Variants in VPS13B observed in about 807,000 individuals in gnomAD.
VPS13B encodes vacuolar protein sorting 13 homolog B, also known as intermembrane lipid transfer protein VPS13B.
A neutral mutation model predicts 426.4 loss-of-function variants in VPS13B; 285 were observed. The observed-to-expected ratio is 0.67, with a 90% CI of 0.61 to 0.74. VPS13B has a LOEUF of 0.74. Among genes scored for constraint, VPS13B ranks in the 30% least tolerant of loss-of-function variants. VPS13B has a pLI of 0.00. For missense variants in VPS13B, 4,537 were observed against 4,782.6 expected, an observed-to-expected ratio of 0.95 and a Z score of 1.51; for synonymous variants, 1,676 against 1,676.4, an observed-to-expected ratio of 1.00 and a Z score of 0.01.
At chr8:99,527,104 T>C (rs76334633) in intron 30 of VPS13B, among the ~76,000 whole-genome samples, 3,354 of 152,128 alleles carry the variant, frequency 0.022, 135 homozygotes, top group African/African-American at 0.077. Flanking sequence ...AAAGGTTCTG[T>C]GAGAAACATT....
intron 4 of VPS13B, among the ~76,000 whole-genome samples, chr8:99,099,776 T>C (rs1217679698): frequency 1.3e-5 from 2 of 152,210 alleles, no homozygotes; most frequent in African/African-American, 2.4e-5. Flanking sequence ...CGAGTAAAGT[T>C]AGTGAAAATT....
intron 23 of VPS13B, among the ~76,000 whole-genome samples, chr8:99,460,036 G>C (rs1226143581): frequency 6.6e-6 from 1 of 152,018 alleles, no homozygotes; most frequent in Non-Finnish European, 1.5e-5. Context: ...TGTTAATCTT[G>C]CTATTTAATG....
intron 16 of VPS13B, among the ~76,000 whole-genome samples, chr8:99,171,788 G>A (rs1161789424): frequency 6.6e-6 from 1 of 151,892 alleles, no homozygotes; most frequent in Non-Finnish European, 1.5e-5. Flanking sequence ...CTTAATAAAT[G>A]TAAAAAAAAA....
intron 17 of VPS13B, among the ~76,000 whole-genome samples, chr8:99,225,874 A>G (rs148567683): frequency 2.0e-5 from 3 of 152,308 alleles, no homozygotes; most frequent in East Asian, 1.9e-4. Flanking sequence ...ACTTCTTCCC[A>G]TGTTAGTACA....
At chr8:99,683,662 T>C (rs1235992270) in intron 35 of VPS13B, among the ~76,000 whole-genome samples, 2 of 152,202 alleles carry the variant, frequency 1.3e-5, no homozygotes, top group Non-Finnish European at 2.9e-5. Flanking sequence ...CACCTGCATA[T>C]TGTTAGTTTA....
intron 19 of VPS13B, among the ~76,000 whole-genome samples, chr8:99,345,042 T>C (rs1811463231): frequency 6.6e-6 from 1 of 152,194 alleles, no homozygotes; most frequent in South Asian, 2.1e-4. Flanking sequence ...TCTTTGGTGT[T>C]AGTTAGGAAT....
At chr8:99,635,904 T>G (rs1289741328) in intron 33 of VPS13B, among the ~76,000 whole-genome samples, 1 of 151,866 alleles carries the variant, frequency 6.6e-6, no homozygotes, top group East Asian at 1.9e-4. Context: ...TTAACCAAAC[T>G]CCAGAGTGAG....
chr8:99,315,573 CTCTTA>C (rs1209490613), intron 19 of VPS13B, among the ~76,000 whole-genome samples: 3 of 149,502 alleles, frequency 2.0e-5, no homozygotes, highest in African/African-American at 7.4e-5. Context: ...TATGTGTGTT[CTCTTA>C]TATCTCAATG....
Position 99,143,512 on chromosome 8 carries a change from A to G in VPS13B, c.1843+347A>G, listed in dbSNP as rs138942077. Among the ~76,000 whole-genome samples, 756 of 152,296 alleles carry G rather than the reference A, an allele frequency of 5.0e-3. 6 individuals are homozygous for G. Among genetic ancestry groups the G allele is most frequent in the African/African-American group, 0.017 (715 of 41,560 alleles). ...ACAAAATTGGGCTCTAAACACACAA[A>G]TTTAACATTGAAGAAAACTTAGGCA... On this transcript the variant is annotated intron_variant, in intron 13 of 61. Transcript: ENST00000357162.
intron 3 of VPS13B, among the ~76,000 whole-genome samples, chr8:99,077,876 A>G (rs938951507): frequency 2.0e-5 from 3 of 152,156 alleles, no homozygotes; most frequent in Non-Finnish European, 4.4e-5. Context: ...TGAATTTTCT[A>G]AAATCTAGTT....
In VPS13B at chr8:99,135,613, T is replaced by C; in HGVS notation, c.1443T>C (p.Ile481=). 1 of 1,613,328 alleles carries C rather than the reference T, an allele frequency of 6.2e-7. No individual in the cohort carries two copies. The highest frequency in any genetic ancestry group is 1.3e-5 in the African/African-American group (1 of 75,028). ...NRSETEACFF[I]CGDNLSTKGF... ...GTTTTCAGGAAGCCTGTTTCTTCAT[T>C]TGTGGTGACAATTTGAGTACGAAAG... Residue 481 remains isoleucine, a synonymous_variant, in exon 11 of 62, where the codon ATT becomes ATC. Coordinates refer to ENST00000357162, the MANE Select transcript of VPS13B (RefSeq NM_152564.5).
chr8:99,741,422 G>A (rs1175772822), intron 39 of VPS13B, among the ~76,000 whole-genome samples: 24 of 152,136 alleles, frequency 1.6e-4, no homozygotes, highest in Admixed American at 1.5e-3. Context: ...CAACCAGACA[G>A]AAAGTTAACA....
intron 36 of VPS13B, among the ~76,000 whole-genome samples, chr8:99,702,399 T>C (rs780907533): frequency 3.0e-4 from 46 of 152,126 alleles, no homozygotes; most frequent in East Asian, 5.8e-4. Context: ...CTGAACCAAA[T>C]TGAGCACAGT....
intron 44 of VPS13B, among the ~76,000 whole-genome samples, chr8:99,810,732 T>C (rs1192881658): frequency 6.6e-6 from 1 of 152,228 alleles, no homozygotes; most frequent in Non-Finnish European, 1.5e-5. Context: ...CAATTTTATG[T>C]AAGCCCAACA....
At chr8:99,190,836 T>C (rs1422448725) in intron 16 of VPS13B, among the ~76,000 whole-genome samples, 5 of 152,128 alleles carry the variant, frequency 3.3e-5, no homozygotes, top group African/African-American at 4.8e-5. Context: ...TCTTCTTCTT[T>C]TTTTTTTAAA....
Position 99,511,311 on chromosome 8 carries a change from C to G in VPS13B, c.4432C>G (p.Leu1478Val). ...TTCAGCACAAGCTTTTGATATTGTT[C>G]TTTATTTTCCTTTACTTAATGCCAT... Reference protein sequence around the residue: ...LLSAQAFDIVLYFPLLNAIAS... With the variant: ...LLSAQAFDIVVYFPLLNAIAS... The change falls in exon 29 of 62, where the codon CTT becomes GTT. Residue 1478 changes from leucine (L) to valine (V), a missense_variant. Physicochemically the swap from Leu to Val is conservative, Grantham distance 32. Around this residue, in one of 2 missense-constraint regions of VPS13B, gnomAD observed 4,311 missense variants for 4,474.3 expected, o/e 0.96. Coordinates refer to ENST00000357162, the MANE Select transcript of VPS13B (RefSeq NM_152564.5). 1 of 1,613,724 alleles carries G rather than the reference C, an allele frequency of 6.2e-7. No homozygotes were observed. Among genetic ancestry groups the G allele is most frequent in the Non-Finnish European group, 8.5e-7 (1 of 1,179,912 alleles).
chr8:99,675,481 T>A (rs530335295), intron 35 of VPS13B, among the ~76,000 whole-genome samples: 20 of 152,304 alleles, frequency 1.3e-4, no homozygotes, highest in Non-Finnish European at 2.6e-4. Flanking sequence ...TACCTGAATA[T>A]TTATATATTT....
chr8:99,492,884 A>G (rs1229132082), intron 25 of VPS13B, among the ~76,000 whole-genome samples: 1 of 152,170 alleles, frequency 6.6e-6, no homozygotes, highest in East Asian at 1.9e-4. Context: ...CCACTCTCCA[A>G]CCAGTCCCAA....
intron 21 of VPS13B, among the ~76,000 whole-genome samples, chr8:99,408,691 C>A (rs1815462137): frequency 1.3e-5 from 2 of 152,116 alleles, no homozygotes; most frequent in Non-Finnish European, 2.9e-5. Context: ...GAAATAGAAT[C>A]CTCATAGAGG....
Sources: gnomAD v4.1 joint callset for allele counts (sites outside exome capture counted in the v4.1 genomes callset) on GRCh38, gnomAD v4.1.1 for gene constraint, gnomAD v4.1.1 regional missense constraint, MANE v1.5 for transcripts, NCBI Gene and HGNC (gene_info 2026-07-23, HGNC 2026-07-21) for gene names.